Variants in EYA1 observed in about 807,000 individuals in gnomAD.
EYA1 encodes the protein EYA transcriptional coactivator and phosphatase 1, also known as protein phosphatase EYA1.
In EYA1, 16 loss-of-function variants were observed where a neutral mutation model predicts 82.0. The observed-to-expected ratio is 0.20, with a 90% confidence interval of 0.13 to 0.30. EYA1 has a LOEUF of 0.30. EYA1 is among the 10% of genes least tolerant of loss of function. EYA1 has a pLI of 1.00. For synonymous variants in EYA1, 261 were observed against 264.4 expected, an observed-to-expected ratio of 0.99 and a Z score of 0.12; for missense variants, 633 against 730.7, an observed-to-expected ratio of 0.87 and a Z score of 1.54.
intron 2 of EYA1, among the ~76,000 whole-genome samples, chr8:71,508,739 T>C (rs553277100): frequency 1.2e-4 from 18 of 152,254 alleles, no homozygotes; most frequent in African/African-American, 4.3e-4. Flanking sequence ...TCAGACCTCC[T>C]AACCTCCAGA....
chr8:71,487,404 T>C (rs1298283314), intron 2 of EYA1, among the ~76,000 whole-genome samples: 1 of 152,158 alleles, frequency 6.6e-6, no homozygotes, highest in Non-Finnish European at 1.5e-5. Flanking sequence ...TCTGAGACTT[T>C]TCCTGAAACT....
chr8:71,296,722 T>C (rs1331488613), intron 9 of EYA1, among the ~76,000 whole-genome samples: 1 of 152,078 alleles, frequency 6.6e-6, no homozygotes, highest in East Asian at 1.9e-4. Context: ...AGAAATTGTT[T>C]TTAATAAGTC....
At chr8:71,236,647 G>A (rs1466993637) in intron 12 of EYA1, among the ~76,000 whole-genome samples, 1 of 152,146 alleles carries the variant, frequency 6.6e-6, no homozygotes, top group East Asian at 1.9e-4. Flanking sequence ...CTCTACAGTT[G>A]TGTGACCTTA....
At chr8:71,336,624 T>C (rs979775653) in intron 3 of EYA1, among the ~76,000 whole-genome samples, 15 of 152,216 alleles carry the variant, frequency 9.9e-5, no homozygotes, top group African/African-American at 3.1e-4. Flanking sequence ...TCAATTATAC[T>C]TGAAATCCAT....
At chr8:71,371,142 G>A (rs1003565570) in intron 2 of EYA1, among the ~76,000 whole-genome samples, 4 of 152,158 alleles carry the variant, frequency 2.6e-5, no homozygotes, top group African/African-American at 9.7e-5. Context: ...ACCATAGGAG[G>A]ATTGGGTACA....
rs543796574 is a variant in EYA1 at position 71,346,020 on chromosome 8, GCA to G, written c.124+8760_124+8761del. On this transcript the variant is annotated intron_variant, in intron 3 of 17. Transcript: ENST00000340726. ...CACACACACACGTGCACACGTGCGCGCACACACACACACACTCACTCTTCTGC... is the reference window on the plus strand; with the variant it reads ...CACACACACACGTGCACACGTGCGCGCACACACACACACTCACTCTTCTGC... Among the ~76,000 whole-genome samples, 16 of 150,794 alleles carry G rather than the reference GCA, an allele frequency of 1.1e-4. No individual in the cohort carries two copies. In the East Asian group the frequency reaches 1.4e-3, roughly 13 times the overall value.
At chr8:71,284,968 G>A (rs558163351) in intron 9 of EYA1, among the ~76,000 whole-genome samples, 5 of 152,268 alleles carry the variant, frequency 3.3e-5, no homozygotes, top group Admixed American at 1.3e-4. Flanking sequence ...ATTTTATTAG[G>A]TTTGGCTGTA....
chr8:71,401,446 T>C (rs1162350568), intron 2 of EYA1, among the ~76,000 whole-genome samples: 3 of 152,248 alleles, frequency 2.0e-5, no homozygotes, highest in African/African-American at 7.2e-5. Context: ...TTCTCATTAC[T>C]GCAAGTAAAT....
intron 2 of EYA1, among the ~76,000 whole-genome samples, chr8:71,461,599 T>C (rs1808365729): frequency 6.6e-6 from 1 of 152,178 alleles, no homozygotes; most frequent in African/African-American, 2.4e-5. Context: ...GCCAGCAATG[T>C]GGCAAGGAAG....
At chr8:71,346,452 A>ATATATATG (rs1011248214) in intron 3 of EYA1, among the ~76,000 whole-genome samples, 53 of 134,632 alleles carry the variant, frequency 3.9e-4, no homozygotes, top group African/African-American at 1.6e-3. Context: ...ATATATATAT[A>ATATATATG]TATCTATATA....
chr8:71,253,091 C>A lies in EYA1; in HGVS notation c.1051-8399G>T, dbSNP rs148488892. Among the ~76,000 whole-genome samples the A allele has an allele frequency of 6.6e-3, 1,000 of 152,276 alleles. 5 individuals carry two copies. The highest frequency in any genetic ancestry group is 0.022 in the African/African-American group (923 of 41,548). ...TCAGTGATCATAAAATGATCCAATACTTTAGCATTTCAGGAATGACATAAT... is the reference window on the plus strand; with the variant it reads ...TCAGTGATCATAAAATGATCCAATAATTTAGCATTTCAGGAATGACATAAT... On this transcript the variant is annotated intron_variant, in intron 11 of 17. Transcript: ENST00000340726.
At chr8:71,357,168 A>T (rs1052001873) in intron 1 of EYA1, among the ~76,000 whole-genome samples, 1 of 152,256 alleles carries the variant, frequency 6.6e-6, no homozygotes, top group African/African-American at 2.4e-5. Context: ...ACCCTCGCCA[A>T]TTTAAAATTC....
intron 12 of EYA1, among the ~76,000 whole-genome samples, chr8:71,234,535 C>T (rs1811599198): frequency 1.3e-5 from 2 of 152,190 alleles, no homozygotes; most frequent in Admixed American, 1.3e-4. Context: ...ACATTTGACA[C>T]AGGAGTATAC....
chr8:71,247,088 T>C (rs1813193339), intron 11 of EYA1, among the ~76,000 whole-genome samples: 2 of 147,998 alleles, frequency 1.4e-5, no homozygotes, highest in Admixed American at 6.7e-5. Flanking sequence ...ACCTCCCACA[T>C]CCCTCCAGCA....
chr8:71,355,798 C>T (rs1826810359), intron 2 of EYA1, among the ~76,000 whole-genome samples: 1 of 152,200 alleles, frequency 6.6e-6, no homozygotes. Context: ...ACAAAAGCCA[C>T]TACTCATGTT....
In EYA1 at chr8:71,311,236, A is replaced by G. The variant is rs148298788; in HGVS notation, c.556+6316T>C. Among the ~76,000 whole-genome samples, 7 of 152,292 alleles carry G rather than the reference A, an allele frequency of 4.6e-5. No individual in the cohort carries two copies. The East Asian group carries it at 1.4e-3, about 29-fold the overall frequency. On this transcript the variant is annotated intron_variant, in intron 7 of 17. Transcript: ENST00000340726. ...CAGACCTTGCATTTTTAAAGGTTTG[A>G]TTTCAAGTTAGTTGTTTCTTTTACA... is the stretch of plus-strand genomic sequence containing the variant.
In EYA1 at chr8:71,463,620, TCTCTCTCTCTCTCC is replaced by T. The variant is rs1188846640; in HGVS notation, c.33+72110_33+72123del. Among the ~76,000 whole-genome samples, 293 of 72,180 alleles carry T rather than the reference TCTCTCTCTCTCTCC, an allele frequency of 4.1e-3. 2 individuals carry two copies. Among genetic ancestry groups the T allele is most frequent in the Non-Finnish European group, 5.4e-3 (229 of 42,546 alleles). The allele number at this position is 72,180 out of a possible 152,430, so 47.4% of individuals were successfully genotyped here. ...CTCTCTCTCTCTCTCTCTCTCTCTC[TCTCTCTCTCTCTCC>T]CTCCCTCCCCCCTCCCACACACACA... On this transcript the variant is annotated intron_variant, in intron 2 of 18. Transcript: ENST00000643681.
intron 2 of EYA1, among the ~76,000 whole-genome samples, chr8:71,368,017 T>C (rs1307126246): frequency 6.6e-6 from 1 of 152,198 alleles, no homozygotes; most frequent in Non-Finnish European, 1.5e-5. Context: ...ATACTGAATG[T>C]TGAAATGTGT....
chr8:71,230,436 A>G (rs71525118), intron 12 of EYA1, among the ~76,000 whole-genome samples: 7,662 of 152,266 alleles, frequency 0.05, 388 homozygotes, highest in African/African-American at 0.13. Flanking sequence ...TCCATTCAAC[A>G]AGAAAGGAAG....
Sources: gnomAD v4.1 joint callset for allele counts (sites outside exome capture counted in the v4.1 genomes callset) on GRCh38, gnomAD v4.1.1 for gene constraint, MANE v1.5 for transcripts, NCBI Gene and HGNC (gene_info 2026-07-23, HGNC 2026-07-21) for gene names.